Variants in ADAM12 observed in about 807,000 individuals in gnomAD.
The protein encoded by ADAM12 is disintegrin and metalloproteinase domain-containing protein 12.
ADAM12 carries 70 observed loss-of-function variants against 106.4 expected under a neutral mutation model. That is an observed-to-expected ratio of 0.66 (90% CI 0.54 to 0.80). The LOEUF (loss-of-function observed/expected upper bound fraction) is 0.80. ADAM12 is among the 30% of genes least tolerant of loss of function. The pLI, the probability that ADAM12 is intolerant of heterozygous loss-of-function variation, is 0.00. For synonymous variants in ADAM12, 420 were observed against 433.5 expected (o/e 0.97, Z 0.39); for missense variants, 1,010 against 1,171.9 (o/e 0.86, Z 2.02).
intron 14 of ADAM12, among the ~76,000 whole-genome samples, chr10:126,063,233 C>T (rs189533053): frequency 0.011 from 1,621 of 152,254 alleles, 97 homozygotes; most frequent in Admixed American, 0.094. Context: ...CCTCAGAGGC[C>T]GAGCTAAAGA....
rs148117971 is a variant in ADAM12, at chr10:126,284,127, C to T, written c.187-5139G>A. 3.3e-3 allele frequency among the ~76,000 whole-genome samples: 502 copies of T among 152,050 alleles called. 5 individuals are homozygous for T. Among genetic ancestry groups the T allele is most frequent in the African/African-American group, 0.011 (468 of 41,496 alleles). On this transcript the variant is annotated intron_variant, in intron 2 of 22. Coordinates refer to ENST00000448723, the MANE Select transcript of ADAM12 (RefSeq NM_001288973.2). Reference sequence around the variant, plus strand: ...GTGGGTGGATCATCTGAGGTCAGGCCTTTGAGACCAGCCTGGCCAATATGG... The same window carrying T: ...GTGGGTGGATCATCTGAGGTCAGGCTTTTGAGACCAGCCTGGCCAATATGG...
chr10:126,110,785 G>A (rs544860931), intron 6 of ADAM12, among the ~76,000 whole-genome samples: 9 of 152,308 alleles, frequency 5.9e-5, no homozygotes, highest in African/African-American at 1.2e-4. Flanking sequence ...AAAGCAGTTC[G>A]TGGAGGGTGG....
chr10:126,235,767 A>G (rs1331824174), intron 3 of ADAM12, among the ~76,000 whole-genome samples: 1 of 152,220 alleles, frequency 6.6e-6, no homozygotes, highest in Non-Finnish European at 1.5e-5. Context: ...TTGGTTTCCA[A>G]GAAAAATAAT....
chr10:126,094,203 C>T (rs1955515216), intron 10 of ADAM12, 70 bp from the exon 11 acceptor site: 1 of 1,470,674 alleles, frequency 6.8e-7, no homozygotes, highest in African/African-American at 1.4e-5. Context: ...GGTCTCCCTC[C>T]CCACAGAAAT....
At chr10:126,121,137 A>ATAGTAT (rs369000232) in intron 5 of ADAM12, among the ~76,000 whole-genome samples, 1 of 28,610 alleles carries the variant, frequency 3.5e-5, no homozygotes, top group Non-Finnish European at 5.5e-5. Flanking sequence ...TATACTATAT[A>ATAGTAT]CTATATATAC....
intron 3 of ADAM12, among the ~76,000 whole-genome samples, chr10:126,186,347 C>T (rs182680321): frequency 6.6e-6 from 1 of 152,270 alleles, no homozygotes; most frequent in Non-Finnish European, 1.5e-5. Context: ...CAATGTGGAG[C>T]AATGTGGTGC....
At chr10:126,200,951 G>A (rs935345808) in intron 3 of ADAM12, among the ~76,000 whole-genome samples, 3 of 152,174 alleles carry the variant, frequency 2.0e-5, no homozygotes, top group African/African-American at 7.2e-5. Flanking sequence ...GAATGTTCTA[G>A]AAACAGTAGA....
intron 9 of ADAM12, among the ~76,000 whole-genome samples, chr10:126,099,614 G>A (rs1029557293): frequency 3.9e-5 from 6 of 152,160 alleles, no homozygotes; most frequent in Admixed American, 2.6e-4. Context: ...TACATAAAAT[G>A]TACTTTTAGT....
At chr10:126,082,376 T>G (rs1054820970) in intron 11 of ADAM12, among the ~76,000 whole-genome samples, 4 of 145,206 alleles carry the variant, frequency 2.8e-5, no homozygotes, top group East Asian at 2.0e-4. Flanking sequence ...TTTTTTTTTT[T>G]TTTTTTTTTT....
At chr10:126,172,317 G>A (rs1007808862) in intron 3 of ADAM12, among the ~76,000 whole-genome samples, 7 of 152,088 alleles carry the variant, frequency 4.6e-5, no homozygotes, top group African/African-American at 1.4e-4. Context: ...TGTTTGACCT[G>A]GAACTTCAGA....
chr10:126,316,749 A>G (rs1853888076), intron 2 of ADAM12, among the ~76,000 whole-genome samples: 1 of 149,388 alleles, frequency 6.7e-6, no homozygotes, highest in Admixed American at 6.8e-5. Context: ...GTGCCACTGC[A>G]CTCCAGCATT....
chr10:126,128,478 T>C (rs1211113465), intron 5 of ADAM12, among the ~76,000 whole-genome samples: 3 of 152,348 alleles, frequency 2.0e-5, no homozygotes, highest in African/African-American at 4.8e-5. Context: ...AAAAATAAAG[T>C]ATGACCTACT....
At chr10:126,065,055 C>T in intron 13 of ADAM12, 54 bp from the exon 14 acceptor site, 4 of 1,533,548 alleles carry the variant, frequency 2.6e-6, no homozygotes, top group Non-Finnish European at 3.5e-6. Context: ...GGAGAGGCAG[C>T]TCTCAGCATT....
At chr10:126,322,708 G>C (rs1237215075) in intron 2 of ADAM12, among the ~76,000 whole-genome samples, 1 of 152,216 alleles carries the variant, frequency 6.6e-6, no homozygotes, top group African/African-American at 2.4e-5. Context: ...AGGAAACAAA[G>C]CCTGAGCAAG....
intron 3 of ADAM12, among the ~76,000 whole-genome samples, chr10:126,200,694 C>G (rs1334678012): frequency 6.6e-6 from 1 of 152,186 alleles, no homozygotes; most frequent in Non-Finnish European, 1.5e-5. Flanking sequence ...AGAGCAACAT[C>G]AGCAGCAACA....
At chr10:126,060,191 A>G (rs12265461) in intron 14 of ADAM12, among the ~76,000 whole-genome samples, 2,066 of 152,350 alleles carry the variant, frequency 0.014, 42 homozygotes, top group African/African-American at 0.047. Flanking sequence ...TGCCAGTTAG[A>G]AGTTGCAGGC....
intron 3 of ADAM12, among the ~76,000 whole-genome samples, chr10:126,249,575 G>A (rs940021122): frequency 2.6e-5 from 4 of 152,178 alleles, no homozygotes; most frequent in African/African-American, 7.2e-5. Context: ...GCGGGCGCCT[G>A]TGCCTGTAGT....
chr10:126,380,344 T>C (rs1856445985), intron 1 of ADAM12, among the ~76,000 whole-genome samples: 1 of 152,218 alleles, frequency 6.6e-6, no homozygotes, highest in African/African-American at 2.4e-5. Flanking sequence ...TCCAAGCTAA[T>C]TACAATCTCA....
chr10:126,064,925 G>A lies in ADAM12; in HGVS notation c.1490C>T (p.Pro497Leu). 1 of 1,613,286 alleles carries A rather than the reference G, an allele frequency of 6.2e-7. No homozygotes were observed. Among genetic ancestry groups the A allele is most frequent in the Non-Finnish European group, 8.5e-7 (1 of 1,179,752 alleles). ...CAGGTACACGTTGGCTGGGCAGTGAGGGCTGGCCCCTGTGCAGAACTCTGG... is the reference window on the plus strand; with the variant it reads ...CAGGTACACGTTGGCTGGGCAGTGAAGGCTGGCCCCTGTGCAGAACTCTGG... ...DLPEFCTGAS[P>L]HCPANVYLHD... The change falls in exon 14 of 23, where the codon CCT becomes CTT. Residue 497 changes from proline (P) to leucine (L), a missense_variant. Transcript: ENST00000448723. The surrounding 1 kb of genome is among the most constrained non-coding windows in gnomAD (Gnocchi z 4.4).
Sources: allele counts gnomAD v4.1 joint callset (sites outside exome capture counted in the v4.1 genomes callset), GRCh38; gene constraint gnomAD v4.1.1; non-coding constraint Gnocchi (gnomAD v3.1); transcripts MANE v1.5; gene names NCBI Gene and HGNC (gene_info 2026-07-23, HGNC 2026-07-21).